Variants in LPP observed in about 807,000 individuals in gnomAD.
LPP encodes lipoma-preferred partner.
In LPP, 38 loss-of-function variants were observed where a neutral mutation model predicts 60.4. That is an observed-to-expected ratio of 0.63 (90% confidence interval 0.49 to 0.83). LPP has a LOEUF of 0.83. Ranked by LOEUF, LPP falls within the 40% of genes least tolerant of loss-of-function variation. LPP has a pLI of 0.00. For missense variants in LPP, 902 were observed against 783.6 expected (o/e 1.15, Z -1.80); for synonymous variants, 328 against 290.8 (o/e 1.13, Z -1.30).
intron 7 of LPP, among the ~76,000 whole-genome samples, chr3:188,619,940 C>T (rs942462065): frequency 6.6e-6 from 1 of 152,038 alleles, no homozygotes; most frequent in African/African-American, 2.4e-5. Flanking sequence ...CCCTGGTAAA[C>T]TCTTATTTAA....
At chr3:188,872,492 G>A in intron 10 of LPP, 151 bp from the exon 11 acceptor site, 1 of 774,656 alleles carries the variant, frequency 1.3e-6, no homozygotes, top group Non-Finnish European at 2.2e-6. Context: ...ATTGATGGAA[G>A]AACCTCCACA....
rs767226890 is a variant in LPP, at chr3:188,866,309, G to A, written c.1520G>A (p.Arg507His). 12 of 1,587,254 alleles carry A rather than the reference G, an allele frequency of 7.6e-6. No homozygotes were observed. The highest frequency in any genetic ancestry group is 9.4e-6 in the Non-Finnish European group (11 of 1,165,898). ...TGTTTCACCTGCGTGATGTGCCACCGCAGCCTGGATGGGATCCCATTCACT... is the reference window on the plus strand; with the variant it reads ...TGTTTCACCTGCGTGATGTGCCACCACAGCCTGGATGGGATCCCATTCACT... Reference protein sequence around the residue: ...PHCFTCVMCHRSLDGIPFTVD... With the variant: ...PHCFTCVMCHHSLDGIPFTVD... The change falls in exon 10 of 12, where the codon CGC (arginine) becomes CAC (histidine). Residue 507 changes from arginine to histidine, a missense_variant. By Grantham distance (29) the Arg-to-His change is conservative. Transcript: ENST00000617246.
chr3:188,815,961 C>T (rs887161646), intron 9 of LPP, among the ~76,000 whole-genome samples: 3 of 151,928 alleles, frequency 2.0e-5, no homozygotes, highest in African/African-American at 4.8e-5. Flanking sequence ...AGACAGGATC[C>T]GAAAGTAAAT....
intron 8 of LPP, among the ~76,000 whole-genome samples, chr3:188,724,527 G>A (rs1023702317): frequency 3.9e-5 from 6 of 152,208 alleles, no homozygotes; most frequent in African/African-American, 1.4e-4. Flanking sequence ...GATGTCTGCT[G>A]AGACAGTGTC....
intron 3 of LPP, among the ~76,000 whole-genome samples, chr3:188,361,705 T>G (rs1769457247): frequency 6.6e-6 from 1 of 152,002 alleles, no homozygotes; most frequent in Admixed American, 6.6e-5. Context: ...TAGCTGGGAT[T>G]ACAGGCGCCC....
chr3:188,736,962 A>G (rs1722736899), intron 8 of LPP, among the ~76,000 whole-genome samples: 1 of 152,132 alleles, frequency 6.6e-6, no homozygotes, highest in Non-Finnish European at 1.5e-5. Flanking sequence ...GGAAAATATT[A>G]TCTTGTGAGG....
chr3:188,598,318 T>C (rs996863670), intron 6 of LPP, among the ~76,000 whole-genome samples: 3 of 152,148 alleles, frequency 2.0e-5, no homozygotes, highest in Admixed American at 6.6e-5. Flanking sequence ...GATTTTAGAA[T>C]AGAGTACGTA....
intron 2 of LPP, among the ~76,000 whole-genome samples, chr3:188,296,673 T>G (rs1171295049): frequency 2.0e-5 from 3 of 152,184 alleles, no homozygotes; most frequent in Non-Finnish European, 1.5e-5. Flanking sequence ...TTGTGGAACA[T>G]TAGCTCATTG....
At chr3:188,629,695 C>T (rs1349915830) in intron 7 of LPP, among the ~76,000 whole-genome samples, 1 of 151,894 alleles carries the variant, frequency 6.6e-6, no homozygotes, top group Non-Finnish European at 1.5e-5. Context: ...TGTCAAACTA[C>T]CAATATTATC....
chr3:188,612,466 A>G (rs1843926512), intron 7 of LPP, among the ~76,000 whole-genome samples: 1 of 152,196 alleles, frequency 6.6e-6, no homozygotes, highest in African/African-American at 2.4e-5. Flanking sequence ...CCGAATTCTT[A>G]TCCCAGTTCT....
intron 4 of LPP, among the ~76,000 whole-genome samples, chr3:188,479,572 T>C (rs1222292887): frequency 6.6e-6 from 1 of 152,244 alleles, no homozygotes; most frequent in African/African-American, 2.4e-5. Context: ...CTGAGGATGT[T>C]CTGGCCCAAA....
intron 8 of LPP, among the ~76,000 whole-genome samples, chr3:188,755,809 C>CAAAAAAAAA (rs58696911): frequency 4.1e-5 from 3 of 73,994 alleles, no homozygotes; most frequent in Admixed American, 1.5e-4. Context: ...GATCCTGTCA[C>CAAAAAAAAA]AAAAAAAAAA....
intron 7 of LPP, among the ~76,000 whole-genome samples, chr3:188,639,454 G>A (rs995243858): frequency 2.6e-5 from 4 of 151,732 alleles, no homozygotes; most frequent in Admixed American, 6.6e-5. Flanking sequence ...ACATAGGCAC[G>A]GGCAAGGACT....
chr3:188,837,590 C>G (rs951282995), intron 9 of LPP, among the ~76,000 whole-genome samples: 1 of 151,920 alleles, frequency 6.6e-6, no homozygotes, highest in Non-Finnish European at 1.5e-5. Context: ...TTCTGCCAAC[C>G]TTGCTTGTAT....
At chr3:188,169,098 A>G (rs189052185) in intron 1 of LPP, among the ~76,000 whole-genome samples, 1 of 152,376 alleles carries the variant, frequency 6.6e-6, no homozygotes, top group African/African-American at 2.4e-5. Flanking sequence ...CCATCATGTT[A>G]TAGAAACTTT....
rs1032400476 is a variant in LPP, at chr3:188,867,291, A to T, written c.1589+913A>T. Reference sequence around the variant, plus strand: ...TATATATATACATAATAATATGTAAATATATTTTTATATATTTTATATATA... The same window carrying T: ...TATATATATACATAATAATATGTAATTATATTTTTATATATTTTATATATA... On this transcript the variant is annotated intron_variant, in intron 10 of 11. Coordinates refer to ENST00000617246, the MANE Select transcript of LPP (RefSeq NM_001375462.1). Among the ~76,000 whole-genome samples, 9 of 147,956 alleles carry T rather than the reference A, an allele frequency of 6.1e-5. No individual in the cohort carries two copies. In the South Asian group the frequency reaches 1.5e-3, roughly 24 times the overall value.
chr3:188,200,577 G>A (rs1160701965), intron 1 of LPP, among the ~76,000 whole-genome samples: 2 of 152,196 alleles, frequency 1.3e-5, no homozygotes, highest in Non-Finnish European at 2.9e-5. Context: ...TTGGCCTATG[G>A]AGTGTCCTTT....
chr3:188,728,913 C>G (rs1055616568), intron 8 of LPP, among the ~76,000 whole-genome samples: 1 of 151,332 alleles, frequency 6.6e-6, no homozygotes, highest in Non-Finnish European at 1.5e-5. Flanking sequence ...ATTTAGAGGT[C>G]TCTGCCCCCA....
chr3:188,215,595 G>A (rs1327449502), intron 1 of LPP, among the ~76,000 whole-genome samples: 1 of 152,156 alleles, frequency 6.6e-6, no homozygotes, highest in Non-Finnish European at 1.5e-5. Flanking sequence ...CCATGTTGTA[G>A]CATGGGTCAG....
Sources: allele counts gnomAD v4.1 joint callset (sites outside exome capture counted in the v4.1 genomes callset), GRCh38; gene constraint gnomAD v4.1.1; transcripts MANE v1.5; gene names NCBI Gene and HGNC (gene_info 2026-07-23, HGNC 2026-07-21).